FXYD3: variants seen among roughly 807,000 people sequenced by gnomAD.
FXYD3 encodes FXYD domain-containing ion transport regulator 3.
Under a neutral mutation model 19.2 loss-of-function variants are expected in FXYD3, and 13 were observed. That is an observed-to-expected ratio of 0.68 (90% CI 0.44 to 1.08). FXYD3 has a LOEUF of 1.08. FXYD3 is among the 50% of genes least tolerant of loss of function. The probability of loss-of-function intolerance (pLI) is 0.00; values close to 1 mark genes in which losing one functional copy is unlikely to be tolerated. For synonymous variants in FXYD3, 48 were observed against 38.9 expected (o/e 1.23, Z -0.87); for missense variants, 101 against 109.4 (o/e 0.92, Z 0.34).
chr19:35,119,134 G>A (rs752460954), intron 2 of FXYD3: 59 of 1,475,622 alleles, frequency 4.0e-5, no homozygotes, highest in Non-Finnish European at 5.0e-5. Flanking sequence ...TGAAGTCCAT[G>A]TCCAGTGAGT....
Position 35,119,323 on chromosome 19 carries a change from G to A in FXYD3, c.-14-40G>A, listed in dbSNP as rs8113168. ...GCCACAGGCACAGGGCCAGCCTCCCGGTGGCTCTGCTAAGGCCAGACCTCC... is the reference window on the plus strand; with the variant it reads ...GCCACAGGCACAGGGCCAGCCTCCCAGTGGCTCTGCTAAGGCCAGACCTCC... On this transcript the variant is annotated intron_variant, in intron 2 of 8. Transcript: ENST00000604404. The A allele has an allele frequency of 3.4e-4, 546 of 1,610,938 alleles. 1 individual carries two copies. In the African/African-American group the frequency reaches 6.1e-3, roughly 18 times the overall value.
intron 2 of FXYD3, among the ~76,000 whole-genome samples, chr19:35,118,974 C>G (rs1194640507): frequency 6.6e-6 from 1 of 152,208 alleles, no homozygotes; most frequent in East Asian, 1.9e-4. Flanking sequence ...TTAGGAGCAG[C>G]TGCTGGGGAG....
At chr19:35,123,232 TG>T (rs761401553) in intron 7 of FXYD3, 38 bp from the exon 8 acceptor site, 3 of 1,553,756 alleles carry the variant, frequency 1.9e-6, no homozygotes, top group South Asian at 1.2e-5. Context: ...AGAGGGCAAA[TG>T]GGGGCGGACA....
intron 5 of FXYD3, chr19:35,121,624 C>T: frequency 9.8e-7 from 1 of 1,023,402 alleles, no homozygotes; most frequent in Non-Finnish European, 1.3e-6. Context: ...CCGCTCTGCC[C>T]TCACCTCTCC....
intron 3 of FXYD3, among the ~76,000 whole-genome samples, chr19:35,120,480 C>T (rs553675871): frequency 1.9e-4 from 29 of 152,314 alleles, no homozygotes; most frequent in Admixed American, 6.5e-4. Context: ...CTCCCAGGCT[C>T]AAGAGATCCT....
rs1272824927 is a variant in FXYD3 at position 35,117,474 on chromosome 19, C to T, written c.-15+1115C>T. 11 of 1,109,682 alleles carry T rather than the reference C, an allele frequency of 9.9e-6. No homozygotes were observed. In the East Asian group the frequency reaches 2.8e-4, roughly 29 times the overall value. The allele number at this position is 1,109,682 out of a possible 1,614,324, so 68.7% of individuals were successfully genotyped here. ...ACTGCAATGTGGGCTAATAATAGTGCCCCCTGCATTAAGCTGCAGAGATTG... is the reference window on the plus strand; with the variant it reads ...ACTGCAATGTGGGCTAATAATAGTGTCCCCTGCATTAAGCTGCAGAGATTG... On this transcript the variant is annotated intron_variant, in intron 2 of 8. Coordinates refer to ENST00000604404, the MANE Select transcript of FXYD3 (RefSeq NM_005971.4).
At chr19:35,122,313 C>G (rs371496440) in intron 5 of FXYD3, among the ~76,000 whole-genome samples, 1 of 152,182 alleles carries the variant, frequency 6.6e-6, no homozygotes, top group African/African-American at 2.4e-5. Context: ...TACCACCATG[C>G]CTGGCTAATT....
intron 3 of FXYD3, chr19:35,119,795 T>TTTAATG: frequency 3.5e-5 from 8 of 229,114 alleles, no homozygotes; most frequent in Admixed American, 1.1e-4. Flanking sequence ...CTTAGCCTCC[T>TTTAATG]ACACAGCTAG....
At chr19:35,123,034 G>A in intron 7 of FXYD3, 80 bp downstream of exon 7, 2 of 1,495,572 alleles carry the variant, frequency 1.3e-6, no homozygotes, top group Non-Finnish European at 1.8e-6. Flanking sequence ...CCCAGCAGGA[G>A]AGGCCTCGGG....
chr19:35,118,524 G>A (rs1212795571), intron 2 of FXYD3: 11 of 988,880 alleles, frequency 1.1e-5, no homozygotes, highest in African/African-American at 1.7e-5. Context: ...AGAGAGAAAC[G>A]AGTTCCTTAT....
At chr19:35,123,113 G>A (rs2065085010) in intron 7 of FXYD3, 158 bp from the exon 8 acceptor site, 1 of 1,462,960 alleles carries the variant, frequency 6.8e-7, no homozygotes, top group Non-Finnish European at 9.0e-7. Context: ...AATCCCCAGG[G>A]GGCCCCAAAT....
rs749166004 is a variant in FXYD3, at chr19:35,123,275, C to T, written c.214C>T (p.His72Tyr). ...TCACCACTTTTGTCTCCTTAGTCAC[C>T]ATCCAGGGGAGACTCCACCTCTCAT... ...KCKFGQKSGH[H>Y]PGETPPLITP... The change falls in exon 8 of 9, where the codon CAT becomes TAT. Residue 72 changes from histidine to tyrosine, a missense_variant. His to Tyr is a moderately conservative substitution (Grantham distance 83). Coordinates refer to ENST00000604404, the MANE Select transcript of FXYD3 (RefSeq NM_005971.4). 8 of 1,597,446 alleles carry T rather than the reference C, an allele frequency of 5.0e-6. No homozygotes were observed. In the South Asian group the frequency reaches 9.1e-5, roughly 18 times the overall value.
rs1568386811 is a variant in FXYD3, at chr19:35,121,285, C to T, written c.97+40C>T. ...CCCCTTTCCCCTCCCCACAACCCCACATACTGCTTGGTGCCAAGGGTTCCC... is the reference window on the plus strand; with the variant it reads ...CCCCTTTCCCCTCCCCACAACCCCATATACTGCTTGGTGCCAAGGGTTCCC... On this transcript the variant is annotated intron_variant, in intron 5 of 8. Coordinates refer to ENST00000604404, the MANE Select transcript of FXYD3 (RefSeq NM_005971.4). 3.7e-6 allele frequency: 6 copies of T among 1,614,198 alleles called. No homozygotes were observed. The South Asian group carries it at 5.5e-5, about 15-fold the overall frequency.
chr19:35,119,833 G>C (rs2065000145), intron 3 of FXYD3: 1 of 183,472 alleles, frequency 5.5e-6, no homozygotes, highest in Non-Finnish European at 1.1e-5. Flanking sequence ...ACCATGCCCA[G>C]TGCATTTTTG....
chr19:35,120,683 G>T (rs1032935158), intron 3 of FXYD3, among the ~76,000 whole-genome samples: 4 of 152,182 alleles, frequency 2.6e-5, no homozygotes, highest in African/African-American at 9.7e-5. Flanking sequence ...TGGTGGAAGC[G>T]GGAGGATGGG....
At position 35,115,973 on chromosome 19, in the gene FXYD3, C is replaced by T. The variant is rs566949915; in HGVS notation, c.-111+14C>T. 2 of 152,500 alleles carry T rather than the reference C, an allele frequency of 1.3e-5. No homozygotes were observed. The highest frequency in any genetic ancestry group is 1.9e-4 in the East Asian group (1 of 5,190). 9.4% of individuals were successfully genotyped at this position (152,500 alleles called of 1,614,324 possible). On this transcript the variant is annotated intron_variant, in intron 1 of 8. Transcript: ENST00000604404. Reference sequence around the variant, plus strand: ...AAAAGAAGTGAGGTCGGAACACCAACGCATCATCTCACTGCATGGCCCTGG... The same window carrying T: ...AAAAGAAGTGAGGTCGGAACACCAATGCATCATCTCACTGCATGGCCCTGG...
chr19:35,117,757 C>CAAAAAAAAAAAAAAAAA (rs67977522), intron 2 of FXYD3, among the ~76,000 whole-genome samples: 8,020 of 64,982 alleles, frequency 0.12, 939 homozygotes, highest in East Asian at 0.22. Context: ...TTTCTTCCCG[C>CAAAAAAAAAAAAAAAAA]AAAAAAAGGA....
chr19:35,120,932 G>A (rs932955116), intron 3 of FXYD3, 146 bp from the exon 4 acceptor site: 1 of 751,302 alleles, frequency 1.3e-6, no homozygotes, highest in South Asian at 1.8e-5. Flanking sequence ...GTTGGGATAT[G>A]AGGGGATGAG....
intron 5 of FXYD3, chr19:35,122,531 C>G (rs1224611336): frequency 5.2e-6 from 3 of 572,166 alleles, no homozygotes; most frequent in Non-Finnish European, 9.2e-6. Context: ...TTTCCATCTC[C>G]CACCCCACTT....
Sources: gnomAD v4.1 joint callset for allele counts (sites outside exome capture counted in the v4.1 genomes callset) on GRCh38, gnomAD v4.1.1 for gene constraint, MANE v1.5 for transcripts, NCBI Gene and HGNC (gene_info 2026-07-23, HGNC 2026-07-21) for gene names.